KAZN: variants seen among roughly 807,000 people sequenced by gnomAD.
KAZN encodes the protein kazrin.
KAZN carries 40 observed loss-of-function variants against 87.4 expected under a neutral mutation model. That is an observed-to-expected ratio of 0.46 (90% CI 0.36 to 0.60). KAZN has a LOEUF of 0.60. Among genes scored for constraint, KAZN ranks in the 20% least tolerant of loss-of-function variants. KAZN has a pLI of 0.00. For missense variants in KAZN, 898 were observed against 1,073.9 expected, an observed-to-expected ratio of 0.84 and a Z score of 2.29; for synonymous variants, 466 against 458.3, an observed-to-expected ratio of 1.02 and a Z score of -0.22.
intron 2 of KAZN, among the ~76,000 whole-genome samples, chr1:14,547,827 G>A (rs553177300): frequency 4.0e-4 from 61 of 152,018 alleles, no homozygotes; most frequent in African/African-American, 1.4e-3. Context: ...CTGACCTTGC[G>A]ATCTGCCCGC....
chr1:14,516,536 A>T (rs1671308040), intron 2 of KAZN, among the ~76,000 whole-genome samples: 1 of 152,220 alleles, frequency 6.6e-6, no homozygotes. Context: ...AAGTGTTAGG[A>T]AGCAGAGTTC....
intron 2 of KAZN, among the ~76,000 whole-genome samples, chr1:14,546,523 C>T (rs1467052489): frequency 1.3e-5 from 2 of 151,908 alleles, no homozygotes; most frequent in Middle Eastern, 3.4e-3. Context: ...AAATGTTTCT[C>T]GGTGATTTAC....
intron 1 of KAZN, among the ~76,000 whole-genome samples, chr1:14,081,711 A>G (rs1302762643): frequency 1.3e-5 from 2 of 152,062 alleles, no homozygotes; most frequent in Non-Finnish European, 2.9e-5. Context: ...CAACTTGAGG[A>G]CACATAGACA....
At chr1:14,336,658 GT>G (rs1461879933) in intron 2 of KAZN, among the ~76,000 whole-genome samples, 6 of 152,096 alleles carry the variant, frequency 3.9e-5, no homozygotes, top group African/African-American at 1.4e-4. Context: ...TCTCATGATT[GT>G]AAAGTAGTAT....
rs183557341 is a variant in KAZN at position 14,997,334 on chromosome 1, G to A, written c.418+36459G>A. Among the ~76,000 whole-genome samples, 95 of 151,814 alleles carry A rather than the reference G, an allele frequency of 6.3e-4. No individual in the cohort carries two copies. The East Asian group carries it at 7.2e-3, about 11-fold the overall frequency. On this transcript the variant is annotated intron_variant, in intron 2 of 14. Coordinates refer to ENST00000376030, the MANE Select transcript of KAZN (RefSeq NM_201628.3). ...CAGCTCACCAAAACCTCCACCTCCC[G>A]GGTTCGAGCGATTCTCCTGCCTCAG... is the stretch of plus-strand genomic sequence containing the variant.
rs58521723 is a variant in KAZN, at chr1:14,278,976, C to T, written c.249+98384C>T. On this transcript the variant is annotated intron_variant, in intron 2 of 16. Coordinates refer to the KAZN transcript ENST00000636203. ...GCAGGCAAGACTATTTCCAACATGC[C>T]ACTGCGTCAATCAGGAGGTAGATAA... Among the ~76,000 whole-genome samples, 412 of 135,766 alleles carry T rather than the reference C, an allele frequency of 3.0e-3. 2 individuals carry two copies. The highest frequency in any genetic ancestry group is 0.011 in the African/African-American group (395 of 34,948). The allele number at this position is 135,766 out of a possible 152,430, so 89.1% of individuals were successfully genotyped here. A position where few individuals can be genotyped will look rare whatever the true frequency, so the allele number is the denominator to read the frequency against.
chr1:14,196,168 A>AGG (rs2100384170), intron 2 of KAZN, among the ~76,000 whole-genome samples: 1 of 152,304 alleles, frequency 6.6e-6, no homozygotes, highest in African/African-American at 2.4e-5. Context: ...AGGGTGAGCA[A>AGG]GGGTGAGAGT....
At chr1:14,117,715 A>C (rs1054165090) in intron 1 of KAZN, among the ~76,000 whole-genome samples, 1 of 152,094 alleles carries the variant, frequency 6.6e-6, no homozygotes, top group Non-Finnish European at 1.5e-5. Context: ...TGGCCATGTC[A>C]CTTAGCCTCT....
At chr1:14,980,703 T>C (rs1279570646) in intron 2 of KAZN, among the ~76,000 whole-genome samples, 1 of 152,022 alleles carries the variant, frequency 6.6e-6, no homozygotes, top group Non-Finnish European at 1.5e-5. Flanking sequence ...ATCTTTACCA[T>C]GACAGAGAGG....
intron 1 of KAZN, among the ~76,000 whole-genome samples, chr1:13,965,298 G>A (rs933426483): frequency 6.6e-6 from 1 of 152,156 alleles, no homozygotes; most frequent in Non-Finnish European, 1.5e-5. Context: ...GGAGGAGATG[G>A]TGACTCACGC....
chr1:15,053,157 G>T (rs1200135733), intron 4 of KAZN, among the ~76,000 whole-genome samples: 2 of 152,240 alleles, frequency 1.3e-5, no homozygotes, highest in Non-Finnish European at 2.9e-5. Context: ...GGACTGGGCA[G>T]GTGGAAGCAA....
intron 1 of KAZN, among the ~76,000 whole-genome samples, chr1:13,971,519 G>A (rs7543486): frequency 0.31 from 47,227 of 151,908 alleles, 8,186 homozygotes; most frequent in East Asian, 0.57. Flanking sequence ...CCATCTTCAC[G>A]TGCCTTGGTT....
rs139659190 is a variant in KAZN, at chr1:14,008,844, G to T, written c.91+115088G>T. Among the ~76,000 whole-genome samples the T allele has an allele frequency of 7.1e-3, 1,079 of 152,264 alleles. 12 individuals are homozygous for T. The highest frequency in any genetic ancestry group is 0.025 in the African/African-American group (1,028 of 41,546). On this transcript the variant is annotated intron_variant, in intron 1 of 16. Transcript: ENST00000636203. ...GTTACCATCTTAACCATTTTTAAGT[G>T]TATAGTTCAGTGGTGTTAAATACAT...
intron 2 of KAZN, among the ~76,000 whole-genome samples, chr1:14,383,409 G>A (rs1661552922): frequency 6.6e-6 from 1 of 152,076 alleles, no homozygotes; most frequent in Admixed American, 6.6e-5. Context: ...ATCCTGAATG[G>A]TAAAGCCTAG....
intron 2 of KAZN, among the ~76,000 whole-genome samples, chr1:14,455,934 TGTGGA>T (rs1384820031): frequency 6.6e-6 from 1 of 152,198 alleles, no homozygotes; most frequent in East Asian, 1.9e-4. Flanking sequence ...AGTGAATTAT[TGTGGA>T]GTGAACAAGA....
intron 1 of KAZN, among the ~76,000 whole-genome samples, chr1:14,090,992 A>G (rs1207658232): frequency 1.3e-5 from 2 of 151,724 alleles, no homozygotes; most frequent in African/African-American, 4.8e-5. Flanking sequence ...CATGCCTGTA[A>G]TCCCAGCTAC....
At chr1:14,205,884 C>CAAAACAAAAAAA (rs1646729996) in intron 2 of KAZN, among the ~76,000 whole-genome samples, 1 of 35,220 alleles carries the variant, frequency 2.8e-5, no homozygotes, top group Non-Finnish European at 4.4e-5. Flanking sequence ...GACACTGTCT[C>CAAAACAAAAAAA]AAAAAAAAAA....
chr1:14,440,495 C>T (rs935743739), intron 2 of KAZN, among the ~76,000 whole-genome samples: 1 of 152,202 alleles, frequency 6.6e-6, no homozygotes, highest in Non-Finnish European at 1.5e-5. Context: ...ACTAGCTCCT[C>T]GACAGGAACC....
At chr1:14,682,026 G>A (rs909196493) in intron 1 of KAZN, among the ~76,000 whole-genome samples, 6 of 151,930 alleles carry the variant, frequency 3.9e-5, no homozygotes, top group Non-Finnish European at 8.8e-5. Flanking sequence ...GCAGCATTAA[G>A]TTACATCCAC....
Sources: gnomAD v4.1 joint callset for allele counts (sites outside exome capture counted in the v4.1 genomes callset) on GRCh38, gnomAD v4.1.1 for gene constraint, MANE v1.5 for transcripts, NCBI Gene and HGNC (gene_info 2026-07-23, HGNC 2026-07-21) for gene names.